TMEM132B: variants seen among roughly 807,000 people sequenced by gnomAD.
The protein encoded by TMEM132B is transmembrane protein 132B.
In TMEM132B, 18 loss-of-function variants were observed where a neutral mutation model predicts 90.8. The ratio of observed to expected loss-of-function variants is 0.20; its 90% confidence interval spans 0.14 to 0.29. The LOEUF is 0.29. Ranked by LOEUF, TMEM132B falls within the 10% of genes least tolerant of loss-of-function variation. The pLI is 1.00. For missense variants in TMEM132B, 1,096 were observed against 1,326.8 expected, an observed-to-expected ratio of 0.83 and a Z score of 2.70; for synonymous variants, 504 against 523.3, an observed-to-expected ratio of 0.96 and a Z score of 0.50.
chr12:125,403,333 G>C (rs573844509), intron 2 of TMEM132B, among the ~76,000 whole-genome samples: 23 of 152,288 alleles, frequency 1.5e-4, no homozygotes, highest in Admixed American at 6.5e-5. Context: ...GCTGTGAGGG[G>C]CTTCTTTCAT....
chr12:125,238,863 A>G (rs765918179), intron 1 of TMEM132B, among the ~76,000 whole-genome samples: 1 of 152,208 alleles, frequency 6.6e-6, no homozygotes, highest in Non-Finnish European at 1.5e-5. Flanking sequence ...GTAGGCCTGA[A>G]GGAGATGCAT....
intron 5 of TMEM132B, among the ~76,000 whole-genome samples, chr12:125,623,397 A>G (rs1037506422): frequency 6.6e-6 from 1 of 152,124 alleles, no homozygotes; most frequent in African/African-American, 2.4e-5. Flanking sequence ...ACCTTGTTCC[A>G]TGTGGTTTGG....
intron 3 of TMEM132B, among the ~76,000 whole-genome samples, chr12:125,497,558 T>C (rs1882593280): frequency 6.6e-6 from 1 of 152,214 alleles, no homozygotes; most frequent in South Asian, 2.1e-4. Context: ...CCACAGATAC[T>C]TATTGTTCCT....
chr12:125,644,744 A>T (rs1339961468), intron 6 of TMEM132B, among the ~76,000 whole-genome samples: 1 of 152,072 alleles, frequency 6.6e-6, no homozygotes, highest in Non-Finnish European at 1.5e-5. Flanking sequence ...CCCCACCACC[A>T]TCCCGCGCCG....
In TMEM132B at chr12:125,445,513, G is replaced by C. The variant is rs1308222332; in HGVS notation, c.1106+29836G>C. On this transcript the variant is annotated intron_variant, in intron 3 of 8. Transcript: ENST00000682704. This position sits in a 1 kb window ranked among gnomAD's most constrained non-coding sequence, Gnocchi z 4.3. ...TCAGCAGAGGACACTGGAGGAACATGGTAGGAGGAGGGATCTGCATCTGGA... is the reference window on the plus strand; with the variant it reads ...TCAGCAGAGGACACTGGAGGAACATCGTAGGAGGAGGGATCTGCATCTGGA... Among the ~76,000 whole-genome samples, 7 of 152,340 alleles carry C rather than the reference G, an allele frequency of 4.6e-5. No individual in the cohort carries two copies. The East Asian group carries it at 1.3e-3, about 29-fold the overall frequency.
At position 125,298,401 on chromosome 12, in the gene TMEM132B, T is replaced by C. The variant is rs1002738490; in HGVS notation, c.68-51051T>C. On this transcript the variant is annotated intron_variant, in intron 1 of 8. Transcript: ENST00000682704. ...TCAAGAGTGTTACATCGGCAGGGCA[T>C]GGTGGCTTACACCTGTAATCCCAGC... Among the ~76,000 whole-genome samples, 5 of 133,162 alleles carry C rather than the reference T, an allele frequency of 3.8e-5. 1 individual carries two copies. The highest frequency in any genetic ancestry group is 1.8e-4 in the Admixed American group (2 of 11,322). 87.4% of individuals were successfully genotyped at this position (133,162 alleles called of 152,430 possible).
Position 125,593,590 on chromosome 12 carries a change from A to C in TMEM132B, c.1437+9596A>C, listed in dbSNP as rs187634131. Among the ~76,000 whole-genome samples the C allele has an allele frequency of 8.1e-4, 124 of 152,280 alleles. 1 individual carries two copies. Among genetic ancestry groups the C allele is most frequent in the Admixed American group, 8.0e-3 (123 of 15,292 alleles). On this transcript the variant is annotated intron_variant, in intron 5 of 8. Coordinates refer to ENST00000682704, the MANE Select transcript of TMEM132B (RefSeq NM_001366854.1). The stretch of plus-strand genomic sequence containing the variant: ...GTGTCTGGGATATCAGGCCTGATCC[A>C]ATATGGCTCTAGGGTCCTCTATTTC...
chr12:125,563,384 G>A (rs1192401590), intron 4 of TMEM132B, among the ~76,000 whole-genome samples: 5 of 152,006 alleles, frequency 3.3e-5, no homozygotes, highest in Admixed American at 6.5e-5. Context: ...TGAGGTGGGC[G>A]GATCACGAGG....
chr12:125,362,201 C>T (rs1027285439), intron 2 of TMEM132B, among the ~76,000 whole-genome samples: 3 of 152,180 alleles, frequency 2.0e-5, no homozygotes, highest in Non-Finnish European at 4.4e-5. Flanking sequence ...CATCAAGACC[C>T]TCCTTTCCTT....
rs142341555 is a variant in TMEM132B at position 125,341,851 on chromosome 12, T to C, written c.68-7601T>C. 1.4e-4 allele frequency among the ~76,000 whole-genome samples: 22 copies of C among 152,324 alleles called. 1 individual carries two copies. The East Asian group carries it at 4.2e-3, about 29-fold the overall frequency. On this transcript the variant is annotated intron_variant, in intron 1 of 8. Transcript: ENST00000682704. ...AGAGGTAGTTGATGAGGTAGCGTGT[T>C]GTGTAAAAGGAGCTTACTTTTGTGG...
chr12:125,575,078 A>ATATATATATATATATATATATATATATT (rs1311570495), intron 4 of TMEM132B, among the ~76,000 whole-genome samples: 10 of 108,974 alleles, frequency 9.2e-5, no homozygotes, highest in African/African-American at 3.4e-4. Flanking sequence ...ATATATATAT[A>ATATATATATATATATATATATATATATT]TATATTCAGG....
At chr12:125,421,364 C>G (rs757722060) in intron 3 of TMEM132B, among the ~76,000 whole-genome samples, 23 of 152,174 alleles carry the variant, frequency 1.5e-4, no homozygotes, top group Non-Finnish European at 2.9e-4. Context: ...ACAATCATGG[C>G]TGAAGGTGAA....
chr12:125,512,880 G>A (rs567930144), intron 3 of TMEM132B, among the ~76,000 whole-genome samples: 2 of 152,346 alleles, frequency 1.3e-5, no homozygotes, highest in East Asian at 1.9e-4. Context: ...GCAGAGAGAC[G>A]AACTAAAGAC....
At chr12:125,244,403 C>T (rs573983481) in intron 1 of TMEM132B, among the ~76,000 whole-genome samples, 2 of 152,318 alleles carry the variant, frequency 1.3e-5, no homozygotes, top group East Asian at 3.9e-4. Context: ...GAGGATGGCA[C>T]AGCTCTGTGC....
At chr12:125,534,304 C>T (rs1261595734) in intron 4 of TMEM132B, among the ~76,000 whole-genome samples, 2 of 152,094 alleles carry the variant, frequency 1.3e-5, no homozygotes, top group Admixed American at 6.6e-5. Flanking sequence ...ACTGCTTGAG[C>T]GCAGGAATTT....
At chr12:125,475,749 C>T (rs904105722) in intron 3 of TMEM132B, among the ~76,000 whole-genome samples, 2 of 152,136 alleles carry the variant, frequency 1.3e-5, no homozygotes, top group African/African-American at 2.4e-5. Flanking sequence ...AATAAACTCC[C>T]CTTTATAGAT....
rs869083244 is a variant in TMEM132B, at chr12:125,282,027, C to CAAA, written c.68-67394_68-67392dup. Among the ~76,000 whole-genome samples, 79 of 15,994 alleles carry CAAA rather than the reference C, an allele frequency of 4.9e-3. 2 individuals are homozygous for CAAA. Among genetic ancestry groups the CAAA allele is most frequent in the East Asian group, 0.01 (4 of 398 alleles). The allele number at this position is 15,994 out of a possible 152,430, so 10.5% of individuals were successfully genotyped here. Reference sequence around the variant, plus strand: ...TGGCCAACACAGGGAGACTCCGTCTCAAAAAAAAAAAAAAAAAAAAAAAAA... The same window carrying CAAA: ...TGGCCAACACAGGGAGACTCCGTCTCAAAAAAAAAAAAAAAAAAAAAAAAAAAA... On this transcript the variant is annotated intron_variant, in intron 1 of 8. Coordinates refer to ENST00000682704, the MANE Select transcript of TMEM132B (RefSeq NM_001366854.1).
At chr12:125,308,929 A>AT (rs1876059695) in intron 1 of TMEM132B, among the ~76,000 whole-genome samples, 1 of 152,050 alleles carries the variant, frequency 6.6e-6, no homozygotes, top group Non-Finnish European at 1.5e-5. Context: ...TGTGCATTTA[A>AT]TTTTTCATTT....
chr12:125,462,900 A>G (rs1203371303), intron 3 of TMEM132B, among the ~76,000 whole-genome samples: 2 of 152,114 alleles, frequency 1.3e-5, no homozygotes, highest in Non-Finnish European at 2.9e-5. Flanking sequence ...AAGCCTCATG[A>G]CCCAGACCCA....
Sources: gnomAD v4.1 joint callset for allele counts (sites outside exome capture counted in the v4.1 genomes callset) on GRCh38, gnomAD v4.1.1 for gene constraint, Gnocchi (gnomAD v3.1) non-coding constraint, MANE v1.5 for transcripts, NCBI Gene and HGNC (gene_info 2026-07-23, HGNC 2026-07-21) for gene names.